STK24: variants seen among roughly 807,000 people sequenced by gnomAD.
The protein encoded by STK24 is serine/threonine-protein kinase 24.
A neutral mutation model predicts 55.6 loss-of-function variants in STK24; 21 were observed. The observed-to-expected ratio is 0.38, with a 90% CI of 0.27 to 0.54. The LOEUF (loss-of-function observed/expected upper bound fraction) is 0.54. Among genes scored for constraint, STK24 ranks in the 20% least tolerant of loss-of-function variants. The probability of loss-of-function intolerance (pLI) is 0.79; values close to 1 mark genes in which losing one functional copy is unlikely to be tolerated. For missense variants in STK24, 383 were observed against 538.4 expected (o/e 0.71, Z 2.86); for synonymous variants, 200 against 215.2 (o/e 0.93, Z 0.62).
intron 3 of STK24, among the ~76,000 whole-genome samples, chr13:98,482,020 T>C (rs1413024511): frequency 6.6e-6 from 1 of 151,484 alleles, no homozygotes; most frequent in Non-Finnish European, 1.5e-5. Context: ...TGAGCTGAGA[T>C]TGCGCCACTG....
intron 1 of STK24, among the ~76,000 whole-genome samples, chr13:98,567,943 A>AGG (rs35252293): frequency 1.5e-3 from 152 of 101,474 alleles, no homozygotes; most frequent in East Asian, 7.4e-3. Flanking sequence ...AAAAAAAAAA[A>AGG]GGGGGGGGGT....
At chr13:98,555,300 G>A (rs4772101) in intron 1 of STK24, among the ~76,000 whole-genome samples, 37,892 of 151,918 alleles carry the variant, frequency 0.25, 5,878 homozygotes, top group East Asian at 0.41. Flanking sequence ...ACTCACTCTC[G>A]GCCAGGCACA....
chr13:98,473,933 T>G (rs1032158589), intron 5 of STK24, among the ~76,000 whole-genome samples: 5 of 152,164 alleles, frequency 3.3e-5, no homozygotes, highest in Non-Finnish European at 7.4e-5. Context: ...CTGGGAAGAT[T>G]TCTGTTTAAA....
intron 1 of STK24, among the ~76,000 whole-genome samples, chr13:98,551,537 G>C: frequency 6.6e-6 from 1 of 151,618 alleles, no homozygotes; most frequent in East Asian, 1.9e-4. Flanking sequence ...GCAGGAGGGA[G>C]GAAGGAAAAA....
intron 3 of STK24, among the ~76,000 whole-genome samples, chr13:98,479,163 G>C (rs576725542): frequency 6.6e-6 from 1 of 152,316 alleles, no homozygotes; most frequent in African/African-American, 2.4e-5. Context: ...TTCTAAGTCA[G>C]GGCACCCTAC....
At chr13:98,550,403 A>T (rs1566400547) in intron 1 of STK24, among the ~76,000 whole-genome samples, 1 of 152,074 alleles carries the variant, frequency 6.6e-6, no homozygotes, top group Non-Finnish European at 1.5e-5. Context: ...GGTGGTGCAC[A>T]CCTGTAGTCC....
chr13:98,466,235 A>G (rs1288377797), intron 6 of STK24, 141 bp downstream of exon 6: 2 of 750,566 alleles, frequency 2.7e-6, no homozygotes, highest in Non-Finnish European at 3.9e-6. Flanking sequence ...AAAGAAGTCA[A>G]TCATACTTAC....
At chr13:98,551,855 T>A (rs550865846) in intron 1 of STK24, among the ~76,000 whole-genome samples, 13 of 152,178 alleles carry the variant, frequency 8.5e-5, no homozygotes, top group Non-Finnish European at 1.6e-4. Flanking sequence ...ATTCAATAAA[T>A]CTTTGTTGAG....
At chr13:98,457,409 C>T (rs1172764866) in intron 9 of STK24, 105 bp from the exon 10 acceptor site, 8 of 1,551,832 alleles carry the variant, frequency 5.2e-6, no homozygotes, top group Admixed American at 1.7e-5. Flanking sequence ...GACACTACCC[C>T]AGCCCCAGGG....
chr13:98,505,115 G>A (rs1895637809), intron 2 of STK24: 1 of 152,198 alleles, frequency 6.6e-6, no homozygotes, highest in South Asian at 2.1e-4. Flanking sequence ...TTTCTTCTAG[G>A]GACAAGTCTG....
Position 98,576,851 on chromosome 13 carries a change from G to T in STK24, c.-65C>A. ...GCCGCGACGATCCGCGCGGGGCGGC[G>T]AGGCCCGCGGGCCGCGCGCAGCCCT... On this transcript the variant is annotated 5_prime_UTR_variant, in exon 1 of 11. Transcript: ENST00000539966. The T allele has an allele frequency of 2.9e-6, 3 of 1,042,924 alleles. No individual in the cohort carries two copies. The highest frequency in any genetic ancestry group is 3.5e-6 in the Non-Finnish European group (3 of 866,238). The allele number at this position is 1,042,924 out of a possible 1,614,324, so 64.6% of individuals were successfully genotyped here. A position where few individuals can be genotyped will look rare whatever the true frequency, so the allele number is the denominator to read the frequency against.
rs115491627 is a variant in STK24, at chr13:98,513,639, T to C, written c.273+5604A>G. 6.7e-3 allele frequency among the ~76,000 whole-genome samples: 1,015 copies of C among 152,140 alleles called. 8 individuals are homozygous for C. Among genetic ancestry groups the C allele is most frequent in the African/African-American group, 0.022 (914 of 41,476 alleles). On this transcript the variant is annotated intron_variant, in intron 2 of 10. Transcript: ENST00000539966. ...ACAAGAGTTTCTCCATATGGTGGAG[T>C]CTCAACTTTCTTCTGGGCCCTTTCA...
At chr13:98,477,465 G>A (rs1424490458) in intron 3 of STK24, among the ~76,000 whole-genome samples, 2 of 152,108 alleles carry the variant, frequency 1.3e-5, no homozygotes, top group Non-Finnish European at 2.9e-5. Context: ...TTGAGGTCGG[G>A]AGTTCGAGAC....
At chr13:98,504,211 A>C (rs1895598535) in intron 2 of STK24, among the ~76,000 whole-genome samples, 1 of 152,152 alleles carries the variant, frequency 6.6e-6, no homozygotes, top group South Asian at 2.1e-4. Context: ...AGACAAAAAA[A>C]AAACAAACTT....
intron 2 of STK24, among the ~76,000 whole-genome samples, chr13:98,514,387 A>C (rs1895985991): frequency 6.6e-6 from 1 of 152,268 alleles, no homozygotes; most frequent in African/African-American, 2.4e-5. Context: ...AGTCCCAAGA[A>C]TATAACTTGG....
chr13:98,498,294 A>C (rs1006865299), intron 2 of STK24, among the ~76,000 whole-genome samples: 5 of 152,268 alleles, frequency 3.3e-5, no homozygotes. Context: ...CACTGGACAA[A>C]GTGGTGAAAG....
chr13:98,461,098 C>A (rs140347589), intron 8 of STK24, among the ~76,000 whole-genome samples: 3,936 of 151,396 alleles, frequency 0.026, 89 homozygotes, highest in Admixed American at 0.069. Context: ...ACTAATGAAA[C>A]CCTGGAAATA....
At chr13:98,500,346 T>C (rs929536196) in intron 2 of STK24, among the ~76,000 whole-genome samples, 1 of 152,186 alleles carries the variant, frequency 6.6e-6, no homozygotes, top group African/African-American at 2.4e-5. Context: ...CCCAAGTGTG[T>C]TGGCTGGAGA....
Position 98,474,855 on chromosome 13 carries a change from G to C in STK24, c.563C>G (p.Pro188Arg). Residue 188 changes from proline (P) to arginine (R), a missense_variant, in exon 5 of 11, where the codon CCC (proline) becomes CGC (arginine). Pro to Arg is a moderately radical substitution (Grantham distance 103, BLOSUM62 -2). Coordinates refer to ENST00000539966, the MANE Select transcript of STK24 (RefSeq NM_001032296.4). ...ATAGGCCGACTGTTTGATGACCTCG[G>C]GTGCCATCCAGAATGGGGTGCCCAC... is the stretch of plus-strand genomic sequence containing the variant. Reference protein sequence around the residue: ...TFVGTPFWMAPEVIKQSAYDS... With the variant: ...TFVGTPFWMAREVIKQSAYDS... 6.2e-7 allele frequency: 1 copy of C among 1,613,830 alleles called. No individual in the cohort carries two copies.
Sources: allele counts gnomAD v4.1 joint callset (sites outside exome capture counted in the v4.1 genomes callset), GRCh38; gene constraint gnomAD v4.1.1; transcripts MANE v1.5; gene names NCBI Gene and HGNC (gene_info 2026-07-23, HGNC 2026-07-21).